The following SYNPO2 variants were observed in gnomAD, a reference collection of about 807,000 sequenced individuals.
The protein encoded by SYNPO2 is synaptopodin-2.
SYNPO2 carries 56 observed loss-of-function variants against 85.0 expected under a neutral mutation model. The ratio of observed to expected loss-of-function variants is 0.66; its 90% CI spans 0.53 to 0.82. SYNPO2 has a LOEUF of 0.82. Among genes scored for constraint, SYNPO2 ranks in the 40% least tolerant of loss-of-function variants. The pLI, the probability that SYNPO2 is intolerant of heterozygous loss-of-function variation, is 0.00. For synonymous variants in SYNPO2, 602 were observed against 591.1 expected (o/e 1.02, Z -0.27); for missense variants, 1,575 against 1,534.2 (o/e 1.03, Z -0.44).
intron 2 of SYNPO2, among the ~76,000 whole-genome samples, chr4:119,025,634 C>G (rs11726993): frequency 0.14 from 21,462 of 151,906 alleles, 1,634 homozygotes; most frequent in East Asian, 0.33. Context: ...AGCTGACGTG[C>G]CTGCATGAGT....
At chr4:118,951,364 A>G (rs1008859410) in intron 1 of SYNPO2, among the ~76,000 whole-genome samples, 3 of 152,148 alleles carry the variant, frequency 2.0e-5, no homozygotes, top group African/African-American at 7.2e-5. Context: ...TCTAGCCCTT[A>G]TATAAGGTCA....
intron 1 of SYNPO2, among the ~76,000 whole-genome samples, chr4:118,866,404 G>A (rs1453247957): frequency 6.6e-6 from 1 of 152,138 alleles, no homozygotes; most frequent in East Asian, 1.9e-4. Flanking sequence ...CCACGAAAAT[G>A]GTCAAGGCTT....
intron 1 of SYNPO2, among the ~76,000 whole-genome samples, chr4:119,011,040 A>G (rs1394975272): frequency 6.6e-6 from 1 of 152,236 alleles, no homozygotes; most frequent in Non-Finnish European, 1.5e-5. Context: ...TAGGAGAACT[A>G]TTAGTCAATC....
Position 119,031,284 on chromosome 4 carries a change from A to G in SYNPO2, c.2509A>G (p.Ser837Gly), listed in dbSNP as rs1561006746. 7.4e-6 allele frequency: 12 copies of G among 1,614,224 alleles called. No individual in the cohort carries two copies. Among genetic ancestry groups the G allele is most frequent in the Non-Finnish European group, 1.0e-5 (12 of 1,180,034 alleles). Residue 837 changes from serine (S) to glycine (G), a missense_variant, in exon 4 of 5, where the codon AGT (serine) becomes GGT (glycine). This residue lies in a region of SYNPO2 where 1,508 missense variants were observed against 1,446.8 expected (regional missense o/e 1.04). Coordinates refer to ENST00000307142, the MANE Select transcript of SYNPO2 (RefSeq NM_133477.3). ...CAAAGGACCACAAGCAGCAGTAGCCAGTCAGAATTACACACCCAAACCAAC... is the reference window on the plus strand; with the variant it reads ...CAAAGGACCACAAGCAGCAGTAGCCGGTCAGAATTACACACCCAAACCAAC... ...PFKGPQAAVA[S>G]QNYTPKPTVS...
intron 1 of SYNPO2, among the ~76,000 whole-genome samples, chr4:118,950,632 G>A (rs1228482641): frequency 6.6e-6 from 1 of 152,180 alleles, no homozygotes; most frequent in Middle Eastern, 3.2e-3. Context: ...GCCAGGTAGA[G>A]GAGGCAGTGG....
chr4:118,887,887 G>A (rs945778762), upstream of SYNPO2, among the ~76,000 whole-genome samples: 38 of 152,242 alleles, frequency 2.5e-4, no homozygotes, highest in Middle Eastern at 3.4e-3. Context: ...ACTTTCCCAG[G>A]CTCTTCCTTA....
chr4:118,955,628 G>T (rs1298041812), intron 1 of SYNPO2, among the ~76,000 whole-genome samples: 2 of 152,178 alleles, frequency 1.3e-5, no homozygotes, highest in Admixed American at 6.5e-5. Flanking sequence ...AATATACAAA[G>T]CATTATTATA....
intron 1 of SYNPO2, among the ~76,000 whole-genome samples, chr4:118,921,332 A>G (rs1325776144): frequency 6.6e-6 from 1 of 152,184 alleles, no homozygotes; most frequent in African/African-American, 2.4e-5. Context: ...TACTACTACC[A>G]TCATTATATT....
At chr4:118,977,034 C>G (rs188955640) in intron 1 of SYNPO2, among the ~76,000 whole-genome samples, 3,474 of 152,338 alleles carry the variant, frequency 0.023, 137 homozygotes, top group African/African-American at 0.078. Context: ...CCTGCCAGTC[C>G]GGCGCCGTGC....
rs760969009 is a variant in SYNPO2 at position 119,031,317 on chromosome 4, A to C, written c.2542A>C (p.Thr848Pro). ...TTACACACCCAAACCAACAGTTTCC[A>C]CACCAACAGTCAATGCTGTTCAGCC... ...QNYTPKPTVS[T>P]PTVNAVQPGA... is the part of the protein sequence containing the mutation. Residue 848 changes from threonine (T) to proline (P), a missense_variant, in exon 4 of 5, where the codon ACA becomes CCA. Thr to Pro is a conservative substitution (Grantham distance 38). Transcript: ENST00000307142. 1 of 1,614,230 alleles carries C rather than the reference A, an allele frequency of 6.2e-7. No individual in the cohort carries two copies. The highest frequency in any genetic ancestry group is 1.1e-5 in the South Asian group (1 of 91,082).
At chr4:118,906,261 T>C (rs960179905) in intron 1 of SYNPO2, among the ~76,000 whole-genome samples, 1 of 152,042 alleles carries the variant, frequency 6.6e-6, no homozygotes, top group Non-Finnish European at 1.5e-5. Flanking sequence ...AGAAGAGTGA[T>C]ATATATATAT....
upstream of SYNPO2, among the ~76,000 whole-genome samples, chr4:118,888,012 T>C (rs2149112287): frequency 6.6e-6 from 1 of 152,332 alleles, no homozygotes; most frequent in Middle Eastern, 3.4e-3. Context: ...AACATTTAAA[T>C]ATTTGGAATA....
chr4:118,870,741 G>T (rs1276083910), intron 1 of SYNPO2, among the ~76,000 whole-genome samples: 1 of 152,108 alleles, frequency 6.6e-6, no homozygotes, highest in Non-Finnish European at 1.5e-5. Context: ...TGGCTGTAGG[G>T]GGTATGGGGG....
chr4:118,914,148 T>C lies in SYNPO2; in HGVS notation c.105+25007T>C, dbSNP rs921406064. ...TCATCTTGGATGACAAAGGGATGGA[T>C]GTTGGATTTATTGAGAGATTGTATT... On this transcript the variant is annotated intron_variant, in intron 1 of 4. Coordinates refer to ENST00000307142, the MANE Select transcript of SYNPO2 (RefSeq NM_133477.3). Among the ~76,000 whole-genome samples the C allele has an allele frequency of 3.3e-5, 5 of 152,238 alleles. No individual in the cohort carries two copies. The South Asian group carries it at 1.0e-3, about 32-fold the overall frequency.
At chr4:118,981,403 C>T (rs909263178) in intron 1 of SYNPO2, among the ~76,000 whole-genome samples, 1 of 151,970 alleles carries the variant, frequency 6.6e-6, no homozygotes, top group African/African-American at 2.4e-5. Flanking sequence ...TAGAGCAGAC[C>T]CCCCACAGAG....
At chr4:118,945,152 G>T (rs182728983) in intron 1 of SYNPO2, among the ~76,000 whole-genome samples, 2 of 152,258 alleles carry the variant, frequency 1.3e-5, no homozygotes, top group Non-Finnish European at 2.9e-5. Flanking sequence ...CCTACCAAAA[G>T]TTCCTAGAAT....
intron 1 of SYNPO2, among the ~76,000 whole-genome samples, chr4:118,900,771 CTAT>C (rs1732727043): frequency 7.0e-6 from 1 of 142,792 alleles, no homozygotes; most frequent in Non-Finnish European, 1.5e-5. Context: ...ATCTATCTAT[CTAT>C]CTATCTATCT....
chr4:119,020,543 A>G lies in SYNPO2; in HGVS notation c.106-2887A>G, dbSNP rs1480134732. On this transcript the variant is annotated intron_variant, in intron 1 of 4. Coordinates refer to ENST00000307142, the MANE Select transcript of SYNPO2 (RefSeq NM_133477.3). ...GCAATCCCAGTTTAAAACTCAGACAACTCATGGCTAATAAACAGAACTTCT... is the reference window on the plus strand; with the variant it reads ...GCAATCCCAGTTTAAAACTCAGACAGCTCATGGCTAATAAACAGAACTTCT... Among the ~76,000 whole-genome samples, 6 of 151,772 alleles carry G rather than the reference A, an allele frequency of 4.0e-5. No homozygotes were observed. In the East Asian group the frequency reaches 1.2e-3, roughly 29 times the overall value.
At chr4:118,857,300 A>T (rs184773361) in intron 1 of SYNPO2, among the ~76,000 whole-genome samples, 2 of 152,338 alleles carry the variant, frequency 1.3e-5, no homozygotes, top group African/African-American at 4.8e-5. Context: ...TTGGGAAATT[A>T]TTAGTAGTAG....
Sources: gnomAD v4.1 joint callset for allele counts (sites outside exome capture counted in the v4.1 genomes callset) on GRCh38, gnomAD v4.1.1 for gene constraint, gnomAD v4.1.1 regional missense constraint, MANE v1.5 for transcripts, NCBI Gene and HGNC (gene_info 2026-07-23, HGNC 2026-07-21) for gene names.